The following ABLIM1 variants were observed in gnomAD, a reference collection of about 807,000 sequenced individuals.
The protein encoded by ABLIM1 is actin-binding LIM protein 1.
ABLIM1 carries 40 observed loss-of-function variants against 107.0 expected under a neutral mutation model. The observed-to-expected ratio is 0.37, with a 90% confidence interval of 0.29 to 0.49. The LOEUF (loss-of-function observed/expected upper bound fraction) is 0.49, where lower values mean the gene tolerates loss of function less well. ABLIM1 is among the 20% of genes least tolerant of loss of function. ABLIM1 has a pLI of 0.97. For missense variants in ABLIM1, 857 were observed against 1,008.5 expected (o/e 0.85, Z 2.04); for synonymous variants, 357 against 357.3 (o/e 1.00, Z 0.01).
At chr10:114,800,583 C>T in the ABLIM1 span, among the ~76,000 whole-genome samples, 69 of 152,124 alleles carry the variant, frequency 4.5e-4, no homozygotes, top group African/African-American at 1.7e-3. Flanking sequence ...ATACAGTTGA[C>T]CCGTGAACAA....
At chr10:114,597,546 T>C (rs893539698) in intron 2 of ABLIM1, among the ~76,000 whole-genome samples, 2 of 126,924 alleles carry the variant, frequency 1.6e-5, no homozygotes, top group Admixed American at 1.6e-4. Flanking sequence ...AGAAATAGAA[T>C]GGAATGAGAA....
chr10:114,703,488 G>C (rs1468978051), intron 1 of ABLIM1, among the ~76,000 whole-genome samples: 8 of 152,146 alleles, frequency 5.3e-5, no homozygotes, highest in Non-Finnish European at 8.8e-5. Flanking sequence ...TTTTACAGAT[G>C]AGAAACCAGA....
At chr10:114,583,828 G>A (rs1461780744) in intron 2 of ABLIM1, among the ~76,000 whole-genome samples, 1 of 152,056 alleles carries the variant, frequency 6.6e-6, no homozygotes, top group Non-Finnish European at 1.5e-5. Context: ...CAACATGGAT[G>A]TAGCTGGAGT....
chr10:114,463,384 A>G lies in ABLIM1; in HGVS notation c.1441+2314T>C, dbSNP rs563703601. 1.1e-4 allele frequency among the ~76,000 whole-genome samples: 16 copies of G among 152,270 alleles called. No individual in the cohort carries two copies. The East Asian group carries it at 1.7e-3, about 17-fold the overall frequency. The stretch of plus-strand genomic sequence containing the variant: ...TGCAAAGAGGTTCAGGTGGGTACAG[A>G]GTCACTCTCTGAGAATAAATGGCTT... On this transcript the variant is annotated intron_variant, in intron 12 of 22. Transcript: ENST00000533213.
chr10:114,570,491 T>G (rs750109916), intron 4 of ABLIM1, among the ~76,000 whole-genome samples: 4 of 152,170 alleles, frequency 2.6e-5, no homozygotes, highest in Non-Finnish European at 4.4e-5. Context: ...GTGCAGCTCT[T>G]TTATTCTGCT....
chr10:114,515,975 A>C (rs73353784), intron 6 of ABLIM1, among the ~76,000 whole-genome samples: 1 of 152,158 alleles, frequency 6.6e-6, no homozygotes, highest in Admixed American at 6.5e-5. Context: ...TGTCTTTTTT[A>C]AAACATCCAA....
At chr10:114,667,146 C>T (rs1388966236) in intron 1 of ABLIM1, among the ~76,000 whole-genome samples, 1 of 152,162 alleles carries the variant, frequency 6.6e-6, no homozygotes, top group Non-Finnish European at 1.5e-5. Flanking sequence ...CTCCTACTCA[C>T]CAAGTTTAAA....
intron 12 of ABLIM1, chr10:114,463,238 G>C: frequency 1.7e-6 from 2 of 1,195,658 alleles, no homozygotes; most frequent in South Asian, 3.1e-5. Flanking sequence ...CAGGAGCAGG[G>C]AAAGTGCCAT....
the ABLIM1 span, among the ~76,000 whole-genome samples, chr10:114,784,550 C>A: frequency 1.3e-5 from 2 of 149,750 alleles, no homozygotes; most frequent in Admixed American, 6.7e-5. Context: ...GCCTGTAATC[C>A]CAGCTATTCG....
At chr10:114,463,194 C>T (rs529381452) in intron 12 of ABLIM1, 84 of 1,218,936 alleles carry the variant, frequency 6.9e-5, no homozygotes, top group Non-Finnish European at 8.3e-5. Context: ...GGGCAGGGCA[C>T]GGTGGAAACA....
At chr10:114,618,958 C>A (rs982535245) in intron 1 of ABLIM1, among the ~76,000 whole-genome samples, 1 of 152,124 alleles carries the variant, frequency 6.6e-6, no homozygotes, top group African/African-American at 2.4e-5. Flanking sequence ...GAAGCCACTC[C>A]TGGGCTCTTG....
intron 1 of ABLIM1, among the ~76,000 whole-genome samples, chr10:114,702,506 C>CA (rs2081326177): frequency 6.8e-6 from 1 of 147,380 alleles, no homozygotes; most frequent in African/African-American, 2.5e-5. Flanking sequence ...ATACACTGAA[C>CA]AATATATAAG....
At chr10:114,660,506 CA>C (rs373267155), upstream of ABLIM1, among the ~76,000 whole-genome samples, 10 of 146,568 alleles carry the variant, frequency 6.8e-5, no homozygotes, top group Admixed American at 1.4e-4. Flanking sequence ...ATTCATCCAT[CA>C]AAAAAAAAAC....
chr10:114,682,982 T>C (rs192267130), intron 1 of ABLIM1, among the ~76,000 whole-genome samples: 10 of 152,314 alleles, frequency 6.6e-5, no homozygotes, highest in African/African-American at 1.9e-4. Context: ...CTAGACATCT[T>C]GAGATATTCT....
Position 114,594,618 on chromosome 10 carries a change from C to T in ABLIM1, c.379+7209G>A, listed in dbSNP as rs940664071. The stretch of plus-strand genomic sequence containing the variant: ...TACAAAAATTATCTGGGCATGGTGG[C>T]GAGTGCCTGTAATCCCAGCTATTAG... On this transcript the variant is annotated intron_variant, in intron 2 of 22. Coordinates refer to ENST00000533213, the MANE Select transcript of ABLIM1 (RefSeq NM_002313.7). Among the ~76,000 whole-genome samples the T allele has an allele frequency of 2.6e-5, 4 of 152,154 alleles. No individual in the cohort carries two copies. In the East Asian group the frequency reaches 5.8e-4, roughly 22 times the overall value.
At chr10:114,731,770 C>T (rs1252201763) in intron 1 of ABLIM1, among the ~76,000 whole-genome samples, 1 of 151,988 alleles carries the variant, frequency 6.6e-6, no homozygotes, top group Admixed American at 6.6e-5. Flanking sequence ...CCACCACACC[C>T]AGCTAATTTT....
At chr10:114,784,665 C>CAAA in the ABLIM1 span, among the ~76,000 whole-genome samples, 10 of 87,988 alleles carry the variant, frequency 1.1e-4, no homozygotes, top group Non-Finnish European at 1.9e-4. Context: ...AGACTCACCT[C>CAAA]AAAAAAAAAA....
chr10:114,697,659 A>C (rs763863), intron 1 of ABLIM1, among the ~76,000 whole-genome samples: 2,640 of 152,326 alleles, frequency 0.017, 73 homozygotes, highest in African/African-American at 0.061. Flanking sequence ...ACAGAACAAG[A>C]GTGATATTTG....
At chr10:114,538,248 A>G (rs981572279) in intron 6 of ABLIM1, among the ~76,000 whole-genome samples, 2 of 152,218 alleles carry the variant, frequency 1.3e-5, no homozygotes, top group African/African-American at 4.8e-5. Flanking sequence ...CCAGTTTTTA[A>G]TTCCTCTGAG....
Sources: gnomAD v4.1 joint callset for allele counts (sites outside exome capture counted in the v4.1 genomes callset) on GRCh38, gnomAD v4.1.1 for gene constraint, MANE v1.5 for transcripts, NCBI Gene and HGNC (gene_info 2026-07-23, HGNC 2026-07-21) for gene names.